The following ZNF254 variants were observed in gnomAD, a reference collection of about 807,000 sequenced individuals.
The protein encoded by ZNF254 is zinc finger protein 254.
In ZNF254, 10 loss-of-function variants were observed where a neutral mutation model predicts 12.4. That is an observed-to-expected ratio of 0.80 (90% CI 0.50 to 1.36). ZNF254 has a LOEUF of 1.36. ZNF254 is among the 40% of genes most tolerant of loss of function. The probability of loss-of-function intolerance (pLI) is 0.00; values close to 1 mark genes in which losing one functional copy is unlikely to be tolerated. For missense variants in ZNF254, 996 were observed against 763.9 expected, an observed-to-expected ratio of 1.30 and a Z score of -3.58; for synonymous variants, 305 against 253.4, an observed-to-expected ratio of 1.20 and a Z score of -1.93.
At position 24,126,595 on chromosome 19, in the gene ZNF254, C is replaced by A; in HGVS notation, c.595C>A (p.Gln199Lys). ...KLFCMLSHKT[Q>K]HKSIYHREKS... ...ATTTTGCATGCTTTCACATAAAACC[C>A]AACACAAAAGCATTTATCATAGAGA... The change falls in exon 4 of 4, where the codon CAA becomes AAA. Residue 199 changes from glutamine (Q) to lysine (K), a missense_variant. Coordinates refer to ENST00000357002, the MANE Select transcript of ZNF254 (RefSeq NM_203282.4). The A allele has an allele frequency of 6.2e-7, 1 of 1,601,996 alleles. No individual in the cohort carries two copies.
chr19:24,114,953 T>G (rs1599741723), intron 3 of ZNF254, among the ~76,000 whole-genome samples: 1 of 152,266 alleles, frequency 6.6e-6, no homozygotes, highest in East Asian at 1.9e-4. Context: ...ATCAGAGAAA[T>G]GCAAATCAAA....
At chr19:24,089,894 C>G (rs1341636103) in intron 1 of ZNF254, among the ~76,000 whole-genome samples, 1 of 151,412 alleles carries the variant, frequency 6.6e-6, no homozygotes, top group Admixed American at 6.6e-5. Context: ...CAAAACAAAA[C>G]AAAACAAAAA....
chr19:24,050,350 A>G (rs531668128), intron 2 of ZNF254, among the ~76,000 whole-genome samples: 5 of 152,146 alleles, frequency 3.3e-5, no homozygotes, highest in African/African-American at 1.2e-4. Context: ...AGTAGAGACA[A>G]GATATCACCC....
intron 3 of ZNF254, among the ~76,000 whole-genome samples, chr19:24,117,639 G>A (rs774998395): frequency 6.6e-6 from 1 of 152,074 alleles, no homozygotes; most frequent in Non-Finnish European, 1.5e-5. Flanking sequence ...CTGACCCCTT[G>A]CACTTCCTGA....
At chr19:24,124,171 T>C (rs949972667) in intron 3 of ZNF254, among the ~76,000 whole-genome samples, 1 of 151,030 alleles carries the variant, frequency 6.6e-6, no homozygotes, top group Admixed American at 6.6e-5. Flanking sequence ...GGATTACATA[T>C]AACCTCTAAA....
At chr19:24,089,117 T>C (rs1451033579) in intron 1 of ZNF254, among the ~76,000 whole-genome samples, 2 of 152,038 alleles carry the variant, frequency 1.3e-5, no homozygotes, top group South Asian at 2.1e-4. Context: ...ACTGGGATTA[T>C]AGGCATGTGC....
intron 2 of ZNF254, among the ~76,000 whole-genome samples, chr19:24,074,061 C>A (rs1455730507): frequency 6.6e-6 from 1 of 152,142 alleles, no homozygotes; most frequent in Non-Finnish European, 1.5e-5. Context: ...TATGGCTGAG[C>A]CCCACACCTT....
At chr19:24,084,019 G>C (rs999566587), upstream of ZNF254, among the ~76,000 whole-genome samples, 1 of 151,716 alleles carries the variant, frequency 6.6e-6, no homozygotes, top group African/African-American at 2.4e-5. Flanking sequence ...CATTATATGA[G>C]TAAGATACTT....
chr19:24,122,259 C>CT (rs1974533025), intron 3 of ZNF254, among the ~76,000 whole-genome samples: 1 of 151,900 alleles, frequency 6.6e-6, no homozygotes, highest in South Asian at 2.1e-4. Context: ...GAGTCTTGCT[C>CT]TGTCACCCAG....
intron 2 of ZNF254, among the ~76,000 whole-genome samples, chr19:24,073,259 A>G (rs1007388990): frequency 7.9e-5 from 12 of 152,142 alleles, no homozygotes; most frequent in South Asian, 2.1e-4. Context: ...GTCCACAGTA[A>G]AAATTCTGTT....
intron 1 of ZNF254, among the ~76,000 whole-genome samples, chr19:24,087,684 G>A (rs552793266): frequency 2.0e-5 from 3 of 152,276 alleles, no homozygotes; most frequent in Non-Finnish European, 4.4e-5. Context: ...GCTTTGGTCT[G>A]TGGGGTTCCC....
At chr19:24,117,857 T>A (rs1386756705) in intron 3 of ZNF254, among the ~76,000 whole-genome samples, 4 of 152,034 alleles carry the variant, frequency 2.6e-5, no homozygotes, top group African/African-American at 9.7e-5. Context: ...ATTTTTTTTT[T>A]AAAACTGAAT....
intron 2 of ZNF254, among the ~76,000 whole-genome samples, chr19:24,058,561 C>A (rs973139448): frequency 6.6e-6 from 1 of 152,074 alleles, no homozygotes; most frequent in Non-Finnish European, 1.5e-5. Context: ...GCATGCGCCA[C>A]CACGCCTGGC....
In ZNF254 at chr19:24,126,654, C is replaced by G. The variant is rs746560566; in HGVS notation, c.654C>G (p.Thr218=). The G allele has an allele frequency of 6.2e-6, 10 of 1,611,968 alleles. No homozygotes were observed. Among genetic ancestry groups the G allele is most frequent in the Non-Finnish European group, 8.5e-6 (10 of 1,179,394 alleles). Residue 218 remains threonine (T), a synonymous_variant, in exon 4 of 4, where the codon ACC becomes ACG. Transcript: ENST00000357002. ...ACAAATGTAAAGAATGTGGAAAAAC[C>G]TTTAATTGGTCCTCAACCCTTACTA... The part of the protein sequence containing the change: ...KSYKCKECGK[T]FNWSSTLTNH...
At chr19:24,076,252 G>GTT (rs1326172821) in intron 2 of ZNF254, among the ~76,000 whole-genome samples, 1 of 152,206 alleles carries the variant, frequency 6.6e-6, no homozygotes, top group Non-Finnish European at 1.5e-5. Flanking sequence ...TTCAGAGATT[G>GTT]CAGTAAAGAC....
intron 1 of ZNF254, among the ~76,000 whole-genome samples, chr19:24,088,964 CTTTTTTTTTTTTTTT>C (rs74175785): frequency 0.24 from 24,043 of 100,522 alleles, 2,783 homozygotes; most frequent in Middle Eastern, 0.36. Flanking sequence ...GCCAATTAAT[CTTTTTTTTTTTTTTT>C]TTTTTTTTTT....
chr19:24,049,202 ATATATATATATATTT>A (rs1568426392), intron 2 of ZNF254, among the ~76,000 whole-genome samples: 2 of 61,324 alleles, frequency 3.3e-5, no homozygotes, highest in African/African-American at 1.6e-4. Context: ...ATATATATAT[ATATATATATATATTT>A]TTTTTTTTTT....
At position 24,045,895 on chromosome 19, in the gene ZNF254, T is replaced by C. The variant is rs563526429; in HGVS notation, c.-189-289T>C. Among the ~76,000 whole-genome samples, 10 of 152,120 alleles carry C rather than the reference T, an allele frequency of 6.6e-5. No individual in the cohort carries two copies. In the South Asian group the frequency reaches 1.9e-3, roughly 28 times the overall value. ...TTTGTCTGAATGAATTTCAGAGTTT[T>C]GCTTTCAGGAAAAAAAAAATTCTAA... On this transcript the variant is annotated intron_variant, in intron 1 of 4. Coordinates refer to the ZNF254 transcript ENST00000613065.
At chr19:24,115,416 A>G (rs1363425802) in intron 3 of ZNF254, among the ~76,000 whole-genome samples, 2 of 151,692 alleles carry the variant, frequency 1.3e-5, no homozygotes, top group South Asian at 2.1e-4. Context: ...TCAGTAAACT[A>G]TCGCAAGAAC....
Sources: allele counts gnomAD v4.1 joint callset (sites outside exome capture counted in the v4.1 genomes callset), GRCh38; gene constraint gnomAD v4.1.1; transcripts MANE v1.5; gene names NCBI Gene and HGNC (gene_info 2026-07-23, HGNC 2026-07-21).